Variants in MACROD2 observed in about 807,000 individuals in gnomAD.
MACROD2 encodes the protein mono-ADP ribosylhydrolase 2, also known as ADP-ribose glycohydrolase MACROD2.
Under a neutral mutation model 70.4 loss-of-function variants are expected in MACROD2, and 36 were observed. That is an observed-to-expected ratio of 0.51 (90% CI 0.39 to 0.68). The LOEUF (loss-of-function observed/expected upper bound fraction) is 0.68, where lower values mean the gene tolerates loss of function less well. Among genes scored for constraint, MACROD2 ranks in the 30% least tolerant of loss-of-function variants. The probability of loss-of-function intolerance (pLI) is 0.00; values close to 1 mark genes in which losing one functional copy is unlikely to be tolerated. For synonymous variants in MACROD2, 172 were observed against 178.8 expected, an observed-to-expected ratio of 0.96 and a Z score of 0.30; for missense variants, 496 against 538.4, an observed-to-expected ratio of 0.92 and a Z score of 0.78.
At chr20:14,752,994 C>T (rs1399679614) in intron 5 of MACROD2, among the ~76,000 whole-genome samples, 1 of 152,052 alleles carries the variant, frequency 6.6e-6, no homozygotes, top group Non-Finnish European at 1.5e-5. Flanking sequence ...CACCTAGTTG[C>T]ATATATCCAC....
intron 6 of MACROD2, among the ~76,000 whole-genome samples, chr20:15,301,613 T>TC (rs1354292279): frequency 6.8e-6 from 1 of 147,216 alleles, no homozygotes; most frequent in East Asian, 2.0e-4. Context: ...TTTTTTTTTT[T>TC]TGTAGAGACA....
intron 8 of MACROD2, among the ~76,000 whole-genome samples, chr20:15,730,379 A>G (rs1032840095): frequency 1.3e-5 from 2 of 152,160 alleles, no homozygotes; most frequent in Admixed American, 1.3e-4. Context: ...ACCTCTTGTA[A>G]GGTGGGTCTA....
chr20:14,310,468 G>A (rs1601460700), intron 3 of MACROD2, among the ~76,000 whole-genome samples: 2 of 152,240 alleles, frequency 1.3e-5, no homozygotes, highest in South Asian at 2.1e-4. Flanking sequence ...ATAGTGCAAC[G>A]CAGTACTCGC....
intron 6 of MACROD2, among the ~76,000 whole-genome samples, chr20:15,265,765 T>C (rs1179872057): frequency 1.3e-5 from 2 of 152,208 alleles, no homozygotes; most frequent in African/African-American, 4.8e-5. Flanking sequence ...ATTGCTCTGT[T>C]TTGAATTAGG....
intron 5 of MACROD2, among the ~76,000 whole-genome samples, chr20:15,194,293 G>T (rs1417115490): frequency 1.4e-5 from 2 of 144,816 alleles, no homozygotes; most frequent in African/African-American, 5.1e-5. Context: ...AATCAGTCAG[G>T]TAAAGCTAGA....
chr20:15,081,452 T>G (rs2075702969), intron 5 of MACROD2, among the ~76,000 whole-genome samples: 1 of 152,264 alleles, frequency 6.6e-6, no homozygotes, highest in Non-Finnish European at 1.5e-5. Flanking sequence ...TTTCTGCTAG[T>G]TCCAATAATG....
At chr20:15,368,900 T>C (rs1449698894) in intron 6 of MACROD2, among the ~76,000 whole-genome samples, 1 of 152,204 alleles carries the variant, frequency 6.6e-6, no homozygotes, top group Non-Finnish European at 1.5e-5. Flanking sequence ...GGCTAGACCA[T>C]GGGAAGAACT....
chr20:15,210,002 G>T (rs778954594), intron 5 of MACROD2, among the ~76,000 whole-genome samples: 1 of 152,178 alleles, frequency 6.6e-6, no homozygotes, highest in African/African-American at 2.4e-5. Context: ...AAATCCCTGT[G>T]ATCAGCTAAC....
intron 15 of MACROD2, among the ~76,000 whole-genome samples, chr20:16,037,741 G>T (rs1370135920): frequency 1.3e-5 from 2 of 151,790 alleles, no homozygotes; most frequent in Non-Finnish European, 2.9e-5. Context: ...TCCACTTTCT[G>T]TTGGGTTCCC....
At chr20:14,757,334 G>GA (rs140195804) in intron 5 of MACROD2, among the ~76,000 whole-genome samples, 11 of 152,028 alleles carry the variant, frequency 7.2e-5, no homozygotes, top group African/African-American at 2.4e-4. Context: ...ATAGCAAATT[G>GA]AAAAACAAAA....
intron 4 of MACROD2, among the ~76,000 whole-genome samples, chr20:14,499,873 C>A (rs2084897146): frequency 6.6e-6 from 1 of 152,024 alleles, no homozygotes; most frequent in Non-Finnish European, 1.5e-5. Context: ...GTATACTAGC[C>A]TTGAAATCAG....
intron 10 of MACROD2, among the ~76,000 whole-genome samples, chr20:15,910,394 ATGTGTG>A (rs3072220): frequency 0.051 from 7,408 of 146,218 alleles, 281 homozygotes; most frequent in East Asian, 0.21. Context: ...GTCAGAGGAC[ATGTGTG>A]TGTGTGTGTG....
intron 5 of MACROD2, among the ~76,000 whole-genome samples, chr20:14,857,913 C>G (rs886243687): frequency 6.6e-6 from 1 of 152,014 alleles, no homozygotes; most frequent in Admixed American, 6.6e-5. Context: ...CTCCGCCTCC[C>G]GGGTTCAAGC....
At chr20:14,363,733 C>G (rs1229172935) in intron 3 of MACROD2, among the ~76,000 whole-genome samples, 5 of 138,216 alleles carry the variant, frequency 3.6e-5, no homozygotes, top group Admixed American at 2.4e-4. Context: ...AGGAAAATGG[C>G]GTGAACCCGG....
intron 5 of MACROD2, among the ~76,000 whole-genome samples, chr20:15,098,501 C>T (rs1445492448): frequency 6.6e-6 from 1 of 152,204 alleles, no homozygotes; most frequent in African/African-American, 2.4e-5. Flanking sequence ...TGCTTGACTT[C>T]AGGCACACGT....
At chr20:14,938,618 TA>T (rs2074361793) in intron 5 of MACROD2, among the ~76,000 whole-genome samples, 1 of 151,858 alleles carries the variant, frequency 6.6e-6, no homozygotes, top group Non-Finnish European at 1.5e-5. Context: ...TCAGCTCTAC[TA>T]AAAAAACAAA....
chr20:14,270,045 G>T (rs1229759256), intron 3 of MACROD2, among the ~76,000 whole-genome samples: 1 of 152,066 alleles, frequency 6.6e-6, no homozygotes, highest in Admixed American at 6.6e-5. Context: ...AAATTATAGG[G>T]CAAGGCAGCT....
chr20:15,513,986 C>T (rs1381132174), intron 8 of MACROD2, among the ~76,000 whole-genome samples: 1 of 151,604 alleles, frequency 6.6e-6, no homozygotes, highest in Admixed American at 6.6e-5. Flanking sequence ...ATTTTTGTAA[C>T]AAAAAAGTTT....
At chr20:16,028,998 GGAGGCTGGAAGTCCAAGATC>G in intron 15 of MACROD2, among the ~76,000 whole-genome samples, 1 of 152,194 alleles carries the variant, frequency 6.6e-6, no homozygotes, top group South Asian at 2.1e-4. Context: ...TCCCAGTTCT[GGAGGCTGGAAGTCCAAGATC>G]GAGGTGCTGC....
Sources: gnomAD v4.1 joint callset for allele counts (sites outside exome capture counted in the v4.1 genomes callset) on GRCh38, gnomAD v4.1.1 for gene constraint, MANE v1.5 for transcripts, NCBI Gene and HGNC (gene_info 2026-07-23, HGNC 2026-07-21) for gene names.